HPSE2: variants seen among roughly 807,000 people sequenced by gnomAD.
HPSE2 encodes heparanase 2 (inactive).
Under a neutral mutation model 60.5 loss-of-function variants are expected in HPSE2, and 38 were observed. The observed-to-expected ratio is 0.63, with a 90% CI of 0.48 to 0.82. The LOEUF (loss-of-function observed/expected upper bound fraction) is 0.82, where lower values mean the gene tolerates loss of function less well. Ranked by LOEUF, HPSE2 falls within the 40% of genes least tolerant of loss-of-function variation. HPSE2 has a pLI of 0.00. For missense variants in HPSE2, 713 were observed against 740.4 expected, an observed-to-expected ratio of 0.96 and a Z score of 0.43; for synonymous variants, 295 against 293.2, an observed-to-expected ratio of 1.01 and a Z score of -0.06.
intron 2 of HPSE2, among the ~76,000 whole-genome samples, chr10:99,203,353 T>C (rs1848638951): frequency 6.6e-6 from 1 of 151,980 alleles, no homozygotes; most frequent in South Asian, 2.1e-4. Flanking sequence ...CTCCTACAAC[T>C]ACAGGCTCCA....
At chr10:99,156,809 T>C (rs1283288797) in intron 2 of HPSE2, among the ~76,000 whole-genome samples, 2 of 104,298 alleles carry the variant, frequency 1.9e-5, no homozygotes, top group Admixed American at 1.0e-4. Flanking sequence ...GGAAGTCAAA[T>C]TGTCCCTGTT....
intron 9 of HPSE2, among the ~76,000 whole-genome samples, chr10:98,518,520 A>G (rs1942676216): frequency 6.6e-6 from 1 of 152,114 alleles, no homozygotes; most frequent in African/African-American, 2.4e-5. Context: ...AACCTGGCCA[A>G]TATGGTAAAA....
rs57706769 is a variant in HPSE2, at chr10:98,567,748, G to GGTGTGTGT, written c.1320+47148_1320+47155dup. 7.9e-3 allele frequency among the ~76,000 whole-genome samples: 1,190 copies of GGTGTGTGT among 151,300 alleles called. 13 individuals carry two copies. Among genetic ancestry groups the GGTGTGTGT allele is most frequent in the African/African-American group, 0.028 (1,135 of 41,168 alleles). ...CCTTCGTGTTTCTCTACAAATGGATGGTGTGTGTGTGTGTGTGTGTGTGTA... is the reference window on the plus strand; with the variant it reads ...CCTTCGTGTTTCTCTACAAATGGATGGTGTGTGTGTGTGTGTGTGTGTGTGTGTGTGTA... On this transcript the variant is annotated intron_variant, in intron 9 of 11. Transcript: ENST00000370552.
At chr10:99,077,710 G>A (rs190609845) in intron 3 of HPSE2, among the ~76,000 whole-genome samples, 7 of 61,298 alleles carry the variant, frequency 1.1e-4, no homozygotes, top group South Asian at 1.3e-3. Flanking sequence ...ATGTGTATGT[G>A]TGTATATATA....
chr10:98,781,171 T>C (rs2134452281), intron 3 of HPSE2, among the ~76,000 whole-genome samples: 1 of 152,216 alleles, frequency 6.6e-6, no homozygotes, highest in East Asian at 1.9e-4. Context: ...AACATCTAGA[T>C]TTAGTGCTAC....
intron 3 of HPSE2, among the ~76,000 whole-genome samples, chr10:99,099,983 C>T (rs1225450955): frequency 6.6e-6 from 1 of 152,082 alleles, no homozygotes; most frequent in Non-Finnish European, 1.5e-5. Flanking sequence ...ACACCAAAAC[C>T]CCATCTGTAT....
At chr10:99,302,046 C>G in the HPSE2 span, among the ~76,000 whole-genome samples, 1 of 151,912 alleles carries the variant, frequency 6.6e-6, no homozygotes, top group East Asian at 1.9e-4. Flanking sequence ...CCTGCCTAAT[C>G]CTGATGTTGA....
chr10:98,940,114 C>G (rs1472476273), intron 3 of HPSE2, among the ~76,000 whole-genome samples: 3 of 142,804 alleles, frequency 2.1e-5, no homozygotes, highest in Non-Finnish European at 4.5e-5. Context: ...GCACTAAATG[C>G]CCACAAGAGA....
chr10:98,881,418 T>C (rs1329679290), intron 3 of HPSE2, among the ~76,000 whole-genome samples: 1 of 152,010 alleles, frequency 6.6e-6, no homozygotes. Context: ...TCCAAAACTA[T>C]CTGAACAGGC....
intron 2 of HPSE2, among the ~76,000 whole-genome samples, chr10:99,193,677 A>C (rs972094602): frequency 1.3e-5 from 2 of 152,160 alleles, no homozygotes; most frequent in Non-Finnish European, 2.9e-5. Context: ...AAAAACTACA[A>C]AGAGAAACCA....
chr10:99,035,209 C>T (rs1337825930), intron 3 of HPSE2, among the ~76,000 whole-genome samples: 3 of 152,142 alleles, frequency 2.0e-5, no homozygotes, highest in Non-Finnish European at 2.9e-5. Context: ...GCTTAAAACA[C>T]GAACAAAAAA....
rs538966557 is a variant in HPSE2, at chr10:99,061,947, A to T, written c.610+82291T>A. Among the ~76,000 whole-genome samples the T allele has an allele frequency of 3.3e-4, 51 of 152,284 alleles. 1 individual carries two copies. The highest frequency in any genetic ancestry group is 1.1e-3 in the African/African-American group (47 of 41,560). On this transcript the variant is annotated intron_variant, in intron 3 of 11. Transcript: ENST00000370552. Reference sequence around the variant, plus strand: ...GGGAATGGGACAGTGACTGCATATGACTATAGTAAGGTCATGGTGGTGGTG... The same window carrying T: ...GGGAATGGGACAGTGACTGCATATGTCTATAGTAAGGTCATGGTGGTGGTG...
At chr10:99,226,579 T>C (rs918390775) in intron 2 of HPSE2, among the ~76,000 whole-genome samples, 31 of 152,030 alleles carry the variant, frequency 2.0e-4, no homozygotes, top group Non-Finnish European at 4.1e-4. Context: ...ATATGACTTA[T>C]CTGCTGATGT....
At chr10:99,057,685 G>A (rs1042628547) in intron 3 of HPSE2, among the ~76,000 whole-genome samples, 15 of 152,174 alleles carry the variant, frequency 9.9e-5, no homozygotes, top group African/African-American at 3.1e-4. Flanking sequence ...GACCCATCAA[G>A]TTCATTCAAG....
At chr10:98,865,237 G>C (rs1450667501) in intron 3 of HPSE2, among the ~76,000 whole-genome samples, 1 of 152,096 alleles carries the variant, frequency 6.6e-6, no homozygotes, top group East Asian at 1.9e-4. Flanking sequence ...AGATTTTTAA[G>C]TTAGAAGGTA....
rs758910099 is a variant in HPSE2, at chr10:98,457,872, C to T, written c.*1702G>A. The T allele has an allele frequency of 6.6e-6, 1 of 152,520 alleles. No individual in the cohort carries two copies. The highest frequency in any genetic ancestry group is 1.5e-5 in the Non-Finnish European group (1 of 68,372). The allele number at this position is 152,520 out of a possible 1,614,324, so 9.4% of individuals were successfully genotyped here. A position where few individuals can be genotyped will look rare whatever the true frequency, so the allele number is the denominator to read the frequency against. On this transcript the variant is annotated 3_prime_UTR_variant, in exon 12 of 12. Coordinates refer to ENST00000370552, the MANE Select transcript of HPSE2 (RefSeq NM_021828.5). ...CTTCCATGCTGAGCACAGCCACTGA[C>T]CTGGTGCAGCCTGGTCCTCGGGCTC...
chr10:98,604,696 AG>A (rs765684625), intron 9 of HPSE2, among the ~76,000 whole-genome samples: 2 of 152,242 alleles, frequency 1.3e-5, no homozygotes, highest in Non-Finnish European at 2.9e-5. Context: ...ATGGTTTCAA[AG>A]GGAAGCAGTG....
chr10:99,135,352 G>C (rs1259391487), intron 3 of HPSE2, among the ~76,000 whole-genome samples: 1 of 152,154 alleles, frequency 6.6e-6, no homozygotes, highest in Admixed American at 6.5e-5. Context: ...TCTGGGCCAA[G>C]AAGACCTAAT....
chr10:98,739,719 G>A (rs1009508390), intron 4 of HPSE2, among the ~76,000 whole-genome samples: 3 of 151,940 alleles, frequency 2.0e-5, no homozygotes, highest in African/African-American at 7.3e-5. Context: ...TCAGGTTATG[G>A]GTATGAATAT....
Sources: gnomAD v4.1 joint callset for allele counts (sites outside exome capture counted in the v4.1 genomes callset) on GRCh38, gnomAD v4.1.1 for gene constraint, MANE v1.5 for transcripts, NCBI Gene and HGNC (gene_info 2026-07-23, HGNC 2026-07-21) for gene names.